Variants in ACTL8 observed in about 807,000 individuals in gnomAD.
ACTL8 encodes the protein actin-like protein 8.
A neutral mutation model predicts 9.3 loss-of-function variants in ACTL8; 3 were observed. That is an observed-to-expected ratio of 0.32 (90% CI 0.15 to 0.83). The LOEUF (loss-of-function observed/expected upper bound fraction) is 0.83. Among genes scored for constraint, ACTL8 ranks in the 40% least tolerant of loss-of-function variants. ACTL8 has a pLI of 0.57. For synonymous variants in ACTL8, 224 were observed against 205.9 expected, an observed-to-expected ratio of 1.09 and a Z score of -0.75; for missense variants, 381 against 492.2, an observed-to-expected ratio of 0.77 and a Z score of 2.14.
intron 1 of ACTL8, among the ~76,000 whole-genome samples, chr1:17,805,377 C>CTTTTTTTTTT (rs56870755): frequency 8.0e-5 from 8 of 100,188 alleles, no homozygotes; most frequent in Non-Finnish European, 1.2e-4. Context: ...TTTTCTTTTT[C>CTTTTTTTTTT]TTTTTTTTTT....
At chr1:17,817,298 A>AT (rs1261509471) in intron 1 of ACTL8, among the ~76,000 whole-genome samples, 2 of 149,810 alleles carry the variant, frequency 1.3e-5, no homozygotes, top group African/African-American at 4.9e-5. Flanking sequence ...ATGCTGTGAT[A>AT]TTTTTGCAGA....
chr1:17,824,055 G>A (rs1298988533), intron 2 of ACTL8, among the ~76,000 whole-genome samples: 1 of 152,178 alleles, frequency 6.6e-6, no homozygotes, highest in African/African-American at 2.4e-5. Flanking sequence ...TGTTGGGGGT[G>A]GGGAACCTGT....
At chr1:17,777,839 A>G (rs965876721) in intron 1 of ACTL8, among the ~76,000 whole-genome samples, 2 of 152,170 alleles carry the variant, frequency 1.3e-5, no homozygotes, top group African/African-American at 2.4e-5. Flanking sequence ...GCTGAACTAC[A>G]GGCATGTACC....
At chr1:17,808,414 T>A (rs1037143608) in intron 1 of ACTL8, among the ~76,000 whole-genome samples, 4 of 152,184 alleles carry the variant, frequency 2.6e-5, no homozygotes, top group African/African-American at 9.7e-5. Flanking sequence ...GAGAGGTGCT[T>A]AACTTCAGGC....
Position 17,826,414 on chromosome 1 carries a change from T to A in ACTL8, c.996T>A (p.Asn332Lys), listed in dbSNP as rs536846096. The A allele has an allele frequency of 1.2e-6, 2 of 1,614,034 alleles. No individual in the cohort carries two copies. Among genetic ancestry groups the A allele is most frequent in the African/African-American group, 2.7e-5 (2 of 74,996 alleles). The change falls in exon 3 of 3, where the codon AAT becomes AAA. Residue 332 changes from asparagine (N) to lysine (K), a missense_variant. Asn to Lys is a moderately conservative substitution (Grantham distance 94, BLOSUM62 0). Coordinates refer to ENST00000375406, the MANE Select transcript of ACTL8 (RefSeq NM_030812.3). This position sits in a 1 kb window ranked among gnomAD's most constrained non-coding sequence, Gnocchi z 4.5. ...STKATVWEGS[N>K]RNFSVWLGAS... The stretch of plus-strand genomic sequence containing the variant: ...AGGCCACAGTCTGGGAGGGTTCCAA[T>A]AGAAACTTTAGTGTCTGGCTAGGAG...
intron 1 of ACTL8, among the ~76,000 whole-genome samples, chr1:17,762,495 A>C (rs1245826727): frequency 6.6e-6 from 1 of 152,096 alleles, no homozygotes. Flanking sequence ...GCCGGGAGCC[A>C]TCCGAATTCA....
At chr1:17,806,881 T>C (rs1259559602) in intron 1 of ACTL8, among the ~76,000 whole-genome samples, 1 of 152,234 alleles carries the variant, frequency 6.6e-6, no homozygotes, top group African/African-American at 2.4e-5. Flanking sequence ...TTCATTATCC[T>C]GCAGTTCTGG....
At chr1:17,811,921 G>C (rs1225957033) in intron 1 of ACTL8, among the ~76,000 whole-genome samples, 2 of 150,784 alleles carry the variant, frequency 1.3e-5, no homozygotes, top group East Asian at 3.9e-4. Context: ...AGGTTGGAGT[G>C]CAATGATCTG....
intron 1 of ACTL8, among the ~76,000 whole-genome samples, chr1:17,819,241 C>T (rs1212656483): frequency 6.6e-6 from 1 of 152,210 alleles, no homozygotes. Context: ...GGGCAGAGCC[C>T]GCTTCCCGGA....
At chr1:17,815,406 T>C (rs573043107) in intron 1 of ACTL8, among the ~76,000 whole-genome samples, 1 of 152,268 alleles carries the variant, frequency 6.6e-6, no homozygotes, top group South Asian at 2.1e-4. Flanking sequence ...TCCTGAAAGA[T>C]TTTTTGCTGG....
chr1:17,769,483 G>A (rs1248029905), intron 1 of ACTL8, among the ~76,000 whole-genome samples: 2 of 140,630 alleles, frequency 1.4e-5, no homozygotes, highest in Non-Finnish European at 3.2e-5. Flanking sequence ...GCTGAGCTGA[G>A]TCCTGCCCTG....
In ACTL8 at chr1:17,755,382, C is replaced by A. The variant is rs1001477562; in HGVS notation, c.-147C>A. ...GCAGCCGCTCTCGTGCAGGCGTTTG[C>A]AGTGTGCAGCTGAGTTCGGCAGCTC... On this transcript the variant is annotated 5_prime_UTR_variant, in exon 1 of 3. Coordinates refer to ENST00000375406, the MANE Select transcript of ACTL8 (RefSeq NM_030812.3). The A allele has an allele frequency of 1.3e-5, 2 of 152,228 alleles. No individual in the cohort carries two copies. Among genetic ancestry groups the A allele is most frequent in the East Asian group, 3.9e-4 (2 of 5,186 alleles). The allele number at this position is 152,228 out of a possible 1,614,324, so 9.4% of individuals were successfully genotyped here.
chr1:17,778,849 G>A (rs2066133952), intron 1 of ACTL8, among the ~76,000 whole-genome samples: 1 of 152,174 alleles, frequency 6.6e-6, no homozygotes, highest in South Asian at 2.1e-4. Flanking sequence ...TCCCAGACAT[G>A]GATTTGGTGC....
chr1:17,797,190 T>C (rs12406895), intron 1 of ACTL8, among the ~76,000 whole-genome samples: 32,612 of 151,528 alleles, frequency 0.22, 4,328 homozygotes, highest in Admixed American at 0.38. Context: ...TGCCTGAGAG[T>C]TTCAGTTTCT....
chr1:17,762,563 C>A (rs766913116), intron 1 of ACTL8, among the ~76,000 whole-genome samples: 3 of 152,182 alleles, frequency 2.0e-5, no homozygotes, highest in Non-Finnish European at 4.4e-5. Flanking sequence ...GGGTCCCTTT[C>A]TCTCGGCCAG....
At chr1:17,761,449 C>T (rs2066002430) in intron 1 of ACTL8, among the ~76,000 whole-genome samples, 2 of 152,162 alleles carry the variant, frequency 1.3e-5, no homozygotes. Flanking sequence ...CTTGTTGGCA[C>T]AGACTCTGTG....
chr1:17,801,634 AT>A (rs2066323407), intron 1 of ACTL8, among the ~76,000 whole-genome samples: 1 of 152,240 alleles, frequency 6.6e-6, no homozygotes, highest in African/African-American at 2.4e-5. Flanking sequence ...AAGATTAAAA[AT>A]AAAACATAAT....
chr1:17,800,786 G>C (rs1479100668), intron 1 of ACTL8, among the ~76,000 whole-genome samples: 1 of 151,574 alleles, frequency 6.6e-6, no homozygotes, highest in Non-Finnish European at 1.5e-5. Flanking sequence ...GTAGAGTCTG[G>C]GTTTTGATAT....
Position 17,823,512 on chromosome 1 carries a change from G to A in ACTL8, c.348+156G>A, listed in dbSNP as rs1360629222. On this transcript the variant is annotated intron_variant, in intron 2 of 2. Transcript: ENST00000375406. This position sits in a 1 kb window ranked among gnomAD's most constrained non-coding sequence, Gnocchi z 5.3. ...AATCCCAACACTTTGGGACTCCCAG[G>A]CAGGCAGATTGCTTGAGCCCAGGAG... Among the ~76,000 whole-genome samples, 3 of 152,138 alleles carry A rather than the reference G, an allele frequency of 2.0e-5. No individual in the cohort carries two copies. The highest frequency in any genetic ancestry group is 4.4e-5 in the Non-Finnish European group (3 of 68,022).
Sources: allele counts gnomAD v4.1 joint callset (sites outside exome capture counted in the v4.1 genomes callset), GRCh38; gene constraint gnomAD v4.1.1; non-coding constraint Gnocchi (gnomAD v3.1); transcripts MANE v1.5; gene names NCBI Gene and HGNC (gene_info 2026-07-23, HGNC 2026-07-21).